FARP2: variants seen among roughly 807,000 people sequenced by gnomAD.
FARP2 encodes the protein FERM, ARH/RhoGEF and pleckstrin domain protein 2.
In FARP2, 111 loss-of-function variants were observed where a neutral mutation model predicts 130.5. That is an observed-to-expected ratio of 0.85 (90% CI 0.73 to 1.00). The LOEUF is 1.00. FARP2 is among the 50% of genes least tolerant of loss of function. The probability of loss-of-function intolerance (pLI) is 0.00; values close to 1 mark genes in which losing one functional copy is unlikely to be tolerated. For synonymous variants in FARP2, 504 were observed against 516.9 expected (o/e 0.98, Z 0.34); for missense variants, 1,385 against 1,346.3 (o/e 1.03, Z -0.45).
At chr2:241,483,815 A>G in intron 20 of FARP2, 1 of 985,458 alleles carries the variant, frequency 1.0e-6, no homozygotes, top group Non-Finnish European at 1.2e-6. Context: ...AAAAGATTGT[A>G]AAGTCCACAT....
chr2:241,376,875 C>A (rs1364264677), intron 2 of FARP2, among the ~76,000 whole-genome samples: 3 of 152,208 alleles, frequency 2.0e-5, no homozygotes, highest in African/African-American at 7.2e-5. Flanking sequence ...TCTCCCTGCT[C>A]CTGAAATGCA....
intron 2 of FARP2, among the ~76,000 whole-genome samples, chr2:241,388,988 A>T (rs535894474): frequency 3.2e-4 from 49 of 152,292 alleles, no homozygotes; most frequent in African/African-American, 1.1e-3. Flanking sequence ...CCCTTATAAG[A>T]ATAGACATGA....
chr2:241,371,472 A>C lies in FARP2; in HGVS notation c.-24-1612A>C, dbSNP rs1166847830. ...GCACTTCAGCCTGGGCAACAGAGCA[A>C]GACTCCGTCTCCAAAAATAGCCGGG... On this transcript the variant is annotated intron_variant, in intron 1 of 26. Coordinates refer to ENST00000264042, the MANE Select transcript of FARP2 (RefSeq NM_014808.4). Among the ~76,000 whole-genome samples the C allele has an allele frequency of 2.0e-5, 3 of 152,248 alleles. No individual in the cohort carries two copies. The East Asian group carries it at 5.8e-4, about 29-fold the overall frequency.
chr2:241,404,493 T>G (rs2062279352), intron 3 of FARP2, among the ~76,000 whole-genome samples: 2 of 152,206 alleles, frequency 1.3e-5, no homozygotes, highest in African/African-American at 4.8e-5. Flanking sequence ...ACCAAATATT[T>G]GTTTGGTGTT....
chr2:241,468,392 G>C lies in FARP2; in HGVS notation c.2131+15G>C. 2 of 1,590,532 alleles carry C rather than the reference G, an allele frequency of 1.3e-6. No homozygotes were observed. Among genetic ancestry groups the C allele is most frequent in the Non-Finnish European group, 1.7e-6 (2 of 1,160,720 alleles). On this transcript the variant is annotated intron_variant, in intron 18 of 26. Transcript: ENST00000264042. ...TGACTGCCATGGTGAGTGTGGGTGC[G>C]GCCCTGCATCTCAAGGATCAGCGTG...
At chr2:241,454,016 C>A (rs2063765411) in intron 13 of FARP2, among the ~76,000 whole-genome samples, 2 of 151,866 alleles carry the variant, frequency 1.3e-5, no homozygotes, top group African/African-American at 2.4e-5. Flanking sequence ...GAACTCCTGA[C>A]CTCGTGATCC....
chr2:241,461,257 A>G (rs2064008896), intron 14 of FARP2, among the ~76,000 whole-genome samples: 1 of 152,046 alleles, frequency 6.6e-6, no homozygotes, highest in South Asian at 2.1e-4. Context: ...GAATGTGTCC[A>G]GGATCTCACC....
intron 2 of FARP2, among the ~76,000 whole-genome samples, chr2:241,383,607 G>A (rs2061712464): frequency 6.6e-6 from 1 of 152,232 alleles, no homozygotes; most frequent in Admixed American, 6.5e-5. Flanking sequence ...GTCAGGACAA[G>A]AGGGGAGCCT....
intron 17 of FARP2, chr2:241,465,404 A>C: frequency 1.9e-3 from 2,079 of 1,088,058 alleles, no homozygotes; most frequent in Non-Finnish European, 2.6e-3. Context: ...TGGGGAGGGC[A>C]GGGCCCTGGG....
intron 1 of FARP2, among the ~76,000 whole-genome samples, chr2:241,368,048 CATT>C (rs79321977): frequency 0.026 from 3,967 of 152,076 alleles, 403 homozygotes; most frequent in Admixed American, 0.18. Context: ...CTCAGTACAT[CATT>C]ATCACCCAAA....
At chr2:241,456,002 A>T (rs967928047) in intron 13 of FARP2, among the ~76,000 whole-genome samples, 2 of 152,132 alleles carry the variant, frequency 1.3e-5, no homozygotes, top group African/African-American at 4.8e-5. Flanking sequence ...TTTCCCATAG[A>T]AAAACATTAG....
Position 241,463,451 on chromosome 2 carries a change from G to A in FARP2, c.1794G>A (p.Glu598=), listed in dbSNP as rs750704386. 1.2e-6 allele frequency: 2 copies of A among 1,613,790 alleles called. No homozygotes were observed. Among genetic ancestry groups the A allele is most frequent in the South Asian group, 2.2e-5 (2 of 91,084 alleles). Reference sequence around the variant, plus strand: ...ACAGAGGCTTCCTGCGCGAGGTGGAGCAGAGGCTGGCACTCTGGTAACACC... The same window carrying A: ...ACAGAGGCTTCCTGCGCGAGGTGGAACAGAGGCTGGCACTCTGGTAACACC... ...EFHRGFLREV[E]QRLALWEGPS... The change falls in exon 16 of 27, where the codon GAG becomes GAA. Residue 598 remains glutamate, a synonymous_variant. Coordinates refer to ENST00000264042, the MANE Select transcript of FARP2 (RefSeq NM_014808.4).
chr2:241,436,430 C>A, intron 11 of FARP2, 51 bp from the exon 12 acceptor site: 3 of 1,530,600 alleles, frequency 2.0e-6, no homozygotes, highest in East Asian at 2.3e-5. Context: ...TAAAAACAGG[C>A]GCTGAGAAGG....
At chr2:241,487,842 G>T (rs1210579971) in intron 21 of FARP2, among the ~76,000 whole-genome samples, 1 of 126,578 alleles carries the variant, frequency 7.9e-6, no homozygotes, top group African/African-American at 3.0e-5. Flanking sequence ...CCACCTCCCG[G>T]GTTCACGCCA....
intron 19 of FARP2, among the ~76,000 whole-genome samples, chr2:241,480,632 G>A (rs1256771800): frequency 6.6e-6 from 1 of 151,654 alleles, no homozygotes; most frequent in African/African-American, 2.4e-5. Context: ...TATTTTATCA[G>A]CTTATAGTTG....
chr2:241,476,044 T>G, intron 19 of FARP2, 57 bp downstream of exon 19: 1 of 1,528,648 alleles, frequency 6.5e-7, no homozygotes, highest in Non-Finnish European at 8.9e-7. Context: ...TCAATTGAGA[T>G]ATAATTTACA....
chr2:241,357,714 T>C (rs576838732), intron 1 of FARP2, among the ~76,000 whole-genome samples: 1 of 152,286 alleles, frequency 6.6e-6, no homozygotes, highest in Admixed American at 6.5e-5. Context: ...TGGTTCACTG[T>C]TAACAAACTA....
At position 241,434,943 on chromosome 2, in the gene FARP2, T is replaced by C. The variant is rs16843671; in HGVS notation, c.1032-19T>C. On this transcript the variant is annotated intron_variant, in intron 10 of 26. Transcript: ENST00000264042. ...CTGACTTACTGTTCTTTATTAAAAA[T>C]CTGAATCTTTATTCACAGTGGAAGA... The C allele has an allele frequency of 0.19, 270,893 of 1,449,920 alleles. 27,902 individuals are homozygous for C. The highest frequency in any genetic ancestry group is 0.39 in the East Asian group (17,095 of 43,556). 89.8% of individuals were successfully genotyped at this position (1,449,920 alleles called of 1,614,324 possible). A position where few individuals can be genotyped will look rare whatever the true frequency, so the allele number is the denominator to read the frequency against.
At chr2:241,426,954 G>C (rs1394767249) in intron 8 of FARP2, among the ~76,000 whole-genome samples, 2 of 152,170 alleles carry the variant, frequency 1.3e-5, no homozygotes, top group Non-Finnish European at 2.9e-5. Flanking sequence ...AACAATACAG[G>C]CTGGGCGCGG....
Sources: gnomAD v4.1 joint callset for allele counts (sites outside exome capture counted in the v4.1 genomes callset) on GRCh38, gnomAD v4.1.1 for gene constraint, MANE v1.5 for transcripts, NCBI Gene and HGNC (gene_info 2026-07-23, HGNC 2026-07-21) for gene names.